Variants in RPS13 observed in about 807,000 individuals in gnomAD.
The protein encoded by RPS13 is small ribosomal subunit protein uS15.
A neutral mutation model predicts 24.6 loss-of-function variants in RPS13; 1 was observed. That is an observed-to-expected ratio of 0.04 (90% CI 0.01 to 0.19). RPS13 has a LOEUF of 0.19. RPS13 is among the 10% of genes least tolerant of loss of function. The pLI is 1.00. For missense variants in RPS13, 88 were observed against 187.4 expected (o/e 0.47, Z 3.10); for synonymous variants, 69 against 65.3 (o/e 1.06, Z -0.27).
chr11:17,075,336 G>T, intron 4 of RPS13, 118 bp downstream of exon 4: 1 of 994,842 alleles, frequency 1.0e-6, no homozygotes, highest in Non-Finnish European at 1.5e-6. Context: ...CTTCAAAGCA[G>T]CACTACACTG....
At chr11:17,075,063 T>C (rs1288988767) in intron 5 of RPS13, 34 bp downstream of exon 5, 1 of 1,441,328 alleles carries the variant, frequency 6.9e-7, no homozygotes, top group Non-Finnish European at 9.6e-7. Context: ...TGACTCCTAT[T>C]CTTGATAACA....
intron 5 of RPS13, among the ~76,000 whole-genome samples, 187 bp downstream of exon 5, chr11:17,074,910 C>T (rs543567754): frequency 6.6e-6 from 1 of 152,116 alleles, no homozygotes; most frequent in African/African-American, 2.4e-5. Flanking sequence ...CACACCCATT[C>T]GATTATGTAT....
intron 3 of RPS13, 27 bp from the exon 4 acceptor site, chr11:17,075,650 T>C (rs199777313): frequency 1.2e-5 from 18 of 1,558,860 alleles, no homozygotes; most frequent in South Asian, 3.5e-5. Context: ...GTTTTAACTT[T>C]CAACACGAAA....
chr11:17,076,816 G>A (rs1848031361), intron 3 of RPS13: 2 of 372,836 alleles, frequency 5.4e-6, no homozygotes, highest in East Asian at 5.6e-5. Flanking sequence ...GAAGTCACAC[G>A]CAGCTGAGAT....
chr11:17,076,947 TTCC>T, intron 3 of RPS13: 1 of 561,396 alleles, frequency 1.8e-6, no homozygotes, highest in Non-Finnish European at 3.2e-6. Context: ...GTGCCTCTGC[TTCC>T]TCAACTGTAA....
intron 3 of RPS13, chr11:17,076,584 C>T (rs1183194612): frequency 7.3e-6 from 3 of 413,242 alleles, no homozygotes; most frequent in Non-Finnish European, 4.8e-6. Flanking sequence ...GGTGGGGTCT[C>T]TCTGTCACCC....
chr11:17,074,820 G>C, intron 5 of RPS13: 1 of 656,584 alleles, frequency 1.5e-6, no homozygotes, highest in East Asian at 3.0e-5. Context: ...ATCTAAAAGA[G>C]AGTCAAAGGG....
chr11:17,074,781 T>G (rs1256951541), intron 5 of RPS13: 47 of 662,586 alleles, frequency 7.1e-5, no homozygotes, highest in Non-Finnish European at 1.7e-5. Context: ...CTCCTGGGAG[T>G]AGAGGTATGA....
At chr11:17,074,746 C>A in intron 5 of RPS13, 1 of 672,612 alleles carries the variant, frequency 1.5e-6, no homozygotes, top group East Asian at 2.9e-5. Flanking sequence ...TCATAGTGAG[C>A]AATTCATGTG....
chr11:17,077,043 T>C (rs1243994314), intron 3 of RPS13, 125 bp downstream of exon 3: 1 of 702,866 alleles, frequency 1.4e-6, no homozygotes, highest in Non-Finnish European at 2.6e-6. Context: ...GTGCTTACAA[T>C]GATGCCTCTA....
chr11:17,076,278 C>T (rs1848024974), intron 3 of RPS13, among the ~76,000 whole-genome samples: 1 of 152,128 alleles, frequency 6.6e-6, no homozygotes, highest in Non-Finnish European at 1.5e-5. Context: ...CTCAGCTACT[C>T]CAGAGGCAGA....
chr11:17,075,898 T>C, intron 3 of RPS13: 1 of 554,894 alleles, frequency 1.8e-6, no homozygotes, highest in East Asian at 4.1e-5. Flanking sequence ...ACCAAAGGGA[T>C]TAATGAGATT....
At chr11:17,075,676 GTGA>G (rs1233278143) in intron 3 of RPS13, 53 bp from the exon 4 acceptor site, 43 of 1,399,938 alleles carry the variant, frequency 3.1e-5, no homozygotes, top group Middle Eastern at 1.8e-4. Context: ...ACTGGAGAAT[GTGA>G]TGATGTCAAG....
rs1473628929 is a variant in RPS13 at position 17,077,654 on chromosome 11, C to T, written c.-13G>A. On this transcript the variant is annotated 5_prime_UTR_variant, in exon 1 of 6. Transcript: ENST00000525634. The stretch of plus-strand genomic sequence containing the variant: ...GCATGCGACCCATGATGGCGGCGAT[C>T]AGGCAACGAAAGGAGAGCGAGAGTG... 6.2e-7 allele frequency: 1 copy of T among 1,613,440 alleles called. No individual in the cohort carries two copies. Among genetic ancestry groups the T allele is most frequent in the Non-Finnish European group, 8.5e-7 (1 of 1,179,888 alleles).
intron 3 of RPS13, 101 bp downstream of exon 3, chr11:17,077,067 A>C: frequency 1.2e-6 from 1 of 858,164 alleles, no homozygotes; most frequent in South Asian, 1.4e-5. Context: ...CGGTGGCGAG[A>C]CCAGAGTTTT....
chr11:17,075,673 A>C (rs1848014782), intron 3 of RPS13, 50 bp from the exon 4 acceptor site: 8 of 1,422,588 alleles, frequency 5.6e-6, no homozygotes, highest in Non-Finnish European at 7.8e-6. Context: ...CAAACTGGAG[A>C]ATGTGATGAT....
In RPS13 at chr11:17,077,491, C is replaced by A. The variant is rs776448591; in HGVS notation, c.24-14G>T. The A allele has an allele frequency of 2.5e-6, 4 of 1,614,004 alleles. No individual in the cohort carries two copies. In the South Asian group the frequency reaches 3.3e-5, roughly 13 times the overall value. On this transcript the variant is annotated splice_polypyrimidine_tract_variant and intron_variant, in intron 1 of 5. Transcript: ENST00000525634. The stretch of plus-strand genomic sequence containing the variant: ...GACAGGCCCTTCCTGGGGAGAGAAG[C>A]AGTCTCGAGGTGAGGTGGCGGCTAG...
intron 5 of RPS13, 132 bp downstream of exon 5, chr11:17,074,965 A>C (rs1054838139): frequency 3.1e-6 from 2 of 653,070 alleles, no homozygotes; most frequent in African/African-American, 3.6e-5. Context: ...CTCAAAGAGC[A>C]GTTAACAAAA....
intron 3 of RPS13, chr11:17,075,913 A>T: frequency 1.9e-6 from 1 of 519,830 alleles, no homozygotes; most frequent in Non-Finnish European, 3.6e-6. Context: ...GAGATTCCAC[A>T]GCTAACATTT....
Sources: gnomAD v4.1 joint callset for allele counts (sites outside exome capture counted in the v4.1 genomes callset) on GRCh38, gnomAD v4.1.1 for gene constraint, MANE v1.5 for transcripts, NCBI Gene and HGNC (gene_info 2026-07-23, HGNC 2026-07-21) for gene names.